TTC28: variants seen among roughly 807,000 people sequenced by gnomAD.
The protein encoded by TTC28 is tetratricopeptide repeat domain 28.
A neutral mutation model predicts 198.0 loss-of-function variants in TTC28; 61 were observed. The observed-to-expected ratio is 0.31, with a 90% CI of 0.25 to 0.38. TTC28 has a LOEUF of 0.38. Among genes scored for constraint, TTC28 ranks in the 10% least tolerant of loss-of-function variants. The pLI is 1.00. For missense variants in TTC28, 2,678 were observed against 3,164.0 expected (o/e 0.85, Z 3.69); for synonymous variants, 1,171 against 1,297.8 (o/e 0.90, Z 2.10).
intron 1 of TTC28, among the ~76,000 whole-genome samples, chr22:28,636,767 G>T (rs1219319967): frequency 6.6e-6 from 1 of 151,982 alleles, no homozygotes; most frequent in Non-Finnish European, 1.5e-5. Flanking sequence ...ATATATTTTG[G>T]ATATTAACCC....
chr22:28,109,591 C>G (rs553922559), intron 6 of TTC28, among the ~76,000 whole-genome samples: 1 of 152,162 alleles, frequency 6.6e-6, no homozygotes, highest in African/African-American at 2.4e-5. Flanking sequence ...ATTGTTTTAA[C>G]AAGCAGTTTA....
chr22:28,609,140 C>T (rs2050779004), intron 2 of TTC28, among the ~76,000 whole-genome samples: 1 of 152,070 alleles, frequency 6.6e-6, no homozygotes, highest in African/African-American at 2.4e-5. Flanking sequence ...AAAACATTGT[C>T]AATGGAAACT....
chr22:28,198,203 G>A (rs1925565593), intron 5 of TTC28, among the ~76,000 whole-genome samples: 1 of 152,040 alleles, frequency 6.6e-6, no homozygotes, highest in Non-Finnish European at 1.5e-5. Flanking sequence ...TTGGTTGTGG[G>A]AGGCTATTCT....
intron 21 of TTC28, among the ~76,000 whole-genome samples, chr22:27,986,713 GTCTC>G (rs529377079): frequency 2.8e-4 from 42 of 152,298 alleles, no homozygotes; most frequent in Non-Finnish European, 5.3e-4. Flanking sequence ...AAACCCCTCC[GTCTC>G]TCTATCTAGG....
At chr22:28,592,745 C>A (rs2050456184) in intron 2 of TTC28, among the ~76,000 whole-genome samples, 1 of 152,146 alleles carries the variant, frequency 6.6e-6, no homozygotes, top group Non-Finnish European at 1.5e-5. Context: ...AGGACACTGA[C>A]TCTCTTGATT....
intron 2 of TTC28, among the ~76,000 whole-genome samples, chr22:28,615,886 T>C (rs1264580260): frequency 1.3e-5 from 2 of 152,138 alleles, no homozygotes; most frequent in African/African-American, 4.8e-5. Context: ...ATGGGATGTG[T>C]ATACCTATGT....
chr22:28,298,521 CA>C (rs751082555), intron 3 of TTC28, among the ~76,000 whole-genome samples: 9 of 152,212 alleles, frequency 5.9e-5, no homozygotes, highest in Non-Finnish European at 1.2e-4. Flanking sequence ...AATCGTGGCT[CA>C]CTGCAGGCTC....
chr22:28,210,067 G>A (rs1926785348), intron 5 of TTC28, among the ~76,000 whole-genome samples: 1 of 152,158 alleles, frequency 6.6e-6, no homozygotes, highest in African/African-American at 2.4e-5. Flanking sequence ...AGACCTGCAG[G>A]TTAGGGTCCT....
intron 1 of TTC28, among the ~76,000 whole-genome samples, chr22:28,634,035 A>G (rs1396616806): frequency 6.6e-6 from 1 of 152,186 alleles, no homozygotes; most frequent in Non-Finnish European, 1.5e-5. Context: ...TCTAAATACT[A>G]GAGGAGAACT....
chr22:28,236,001 G>A (rs1929217469), intron 5 of TTC28, among the ~76,000 whole-genome samples: 1 of 152,180 alleles, frequency 6.6e-6, no homozygotes, highest in Non-Finnish European at 1.5e-5. Context: ...GATGGTGCCT[G>A]GTAAGTTCCA....
At chr22:28,387,514 T>A (rs1469590082) in intron 2 of TTC28, among the ~76,000 whole-genome samples, 1 of 152,240 alleles carries the variant, frequency 6.6e-6, no homozygotes, top group Non-Finnish European at 1.5e-5. Context: ...TGTTGTTTCC[T>A]GACTCTTTAA....
chr22:28,017,173 A>G (rs1456400966), intron 13 of TTC28, among the ~76,000 whole-genome samples: 2 of 152,192 alleles, frequency 1.3e-5, no homozygotes, highest in Non-Finnish European at 2.9e-5. Context: ...CACGTGAGCT[A>G]GAGACAGGCC....
At chr22:28,361,899 A>G (rs528447158) in intron 2 of TTC28, among the ~76,000 whole-genome samples, 19 of 152,360 alleles carry the variant, frequency 1.2e-4, no homozygotes, top group Non-Finnish European at 2.5e-4. Flanking sequence ...CAATGCCTGA[A>G]TGATGGCACC....
intron 2 of TTC28, among the ~76,000 whole-genome samples, chr22:28,597,663 C>A (rs560743509): frequency 6.6e-6 from 1 of 152,098 alleles, no homozygotes; most frequent in Non-Finnish European, 1.5e-5. Context: ...TTAGTGGCAA[C>A]TAGCAGTATG....
intron 2 of TTC28, among the ~76,000 whole-genome samples, chr22:28,612,172 C>T (rs897069509): frequency 6.6e-6 from 1 of 152,032 alleles, no homozygotes; most frequent in African/African-American, 2.4e-5. Flanking sequence ...GCAGGGGTTG[C>T]AATCCTAGTC....
chr22:28,378,734 T>C (rs947381737), intron 2 of TTC28, among the ~76,000 whole-genome samples: 4 of 151,850 alleles, frequency 2.6e-5, no homozygotes, highest in African/African-American at 4.8e-5. Flanking sequence ...GATTTGAAGA[T>C]ATACCAATTG....
In TTC28 at chr22:28,140,961, A is replaced by G. The variant is rs561266343; in HGVS notation, c.1441+22131T>C. ...AGGAGGAGGAGGAGGAGGAGGAGGA[A>G]GAAAAGGAAGAGGAGGAGGAAGAGT... On this transcript the variant is annotated intron_variant, in intron 6 of 22. Coordinates refer to ENST00000397906, the MANE Select transcript of TTC28 (RefSeq NM_001145418.2). Among the ~76,000 whole-genome samples, 153 of 151,592 alleles carry G rather than the reference A, an allele frequency of 1.0e-3. 1 individual carries two copies. Among genetic ancestry groups the G allele is most frequent in the African/African-American group, 3.5e-3 (145 of 41,418 alleles).
In TTC28 at chr22:28,297,661, T is replaced by C. The variant is rs2044927055; in HGVS notation, c.721A>G (p.Ser241Gly). The change falls in exon 4 of 23, where the codon AGC becomes GGC. Residue 241 changes from serine to glycine, a missense_variant. Around this residue, in one of 8 missense-constraint regions of TTC28, gnomAD observed 36 missense variants for 78.7 expected, o/e 0.46. Coordinates refer to ENST00000397906, the MANE Select transcript of TTC28 (RefSeq NM_001145418.2). Reference protein sequence around the residue: ...KLRGSVFSALSSAYWSLGNTE... With the variant: ...KLRGSVFSALGSAYWSLGNTE... ...TTTCCAAGAGACCAGTAAGCACTGC[T>C]CAGGGCAGAGAAAACAGAACCTCTC... is the stretch of plus-strand genomic sequence containing the variant. The C allele has an allele frequency of 4.5e-6, 7 of 1,551,668 alleles. No individual in the cohort carries two copies. Among genetic ancestry groups the C allele is most frequent in the Non-Finnish European group, 6.1e-6 (7 of 1,146,992 alleles).
intron 5 of TTC28, among the ~76,000 whole-genome samples, chr22:28,218,730 T>C (rs976370919): frequency 2.6e-5 from 4 of 152,024 alleles, no homozygotes; most frequent in African/African-American, 9.7e-5. Flanking sequence ...TACTCAAGGG[T>C]TGAGATTTAT....
Sources: gnomAD v4.1 joint callset for allele counts (sites outside exome capture counted in the v4.1 genomes callset) on GRCh38, gnomAD v4.1.1 for gene constraint, gnomAD v4.1.1 regional missense constraint, MANE v1.5 for transcripts, NCBI Gene and HGNC (gene_info 2026-07-23, HGNC 2026-07-21) for gene names.